The following PKP2 variants were observed in gnomAD, a reference collection of about 807,000 sequenced individuals.
PKP2 encodes plakophilin 2.
In PKP2, 73 loss-of-function variants were observed where a neutral mutation model predicts 83.4. That is an observed-to-expected ratio of 0.88 (90% CI 0.72 to 1.06). The LOEUF is 1.06. Among genes scored for constraint, PKP2 ranks in the 50% least tolerant of loss-of-function variants. The probability of loss-of-function intolerance (pLI) is 0.00; values close to 1 mark genes in which losing one functional copy is unlikely to be tolerated. For missense variants in PKP2, 966 were observed against 1,065.4 expected, an observed-to-expected ratio of 0.91 and a Z score of 1.30; for synonymous variants, 409 against 430.4, an observed-to-expected ratio of 0.95 and a Z score of 0.62.
At chr12:32,795,377 C>CTT (rs562977029) in intron 11 of PKP2, among the ~76,000 whole-genome samples, 6 of 142,962 alleles carry the variant, frequency 4.2e-5, no homozygotes, top group African/African-American at 1.3e-4. Context: ...GCTGCTGCTG[C>CTT]TTTTTTTTTT....
intron 8 of PKP2, 78 bp downstream of exon 8, chr12:32,822,389 A>T: frequency 8.3e-7 from 1 of 1,205,812 alleles, no homozygotes; most frequent in Non-Finnish European, 1.2e-6. Context: ...CCAAGTACTT[A>T]GACATACACA....
At chr12:32,822,697 G>T in intron 7 of PKP2, 66 bp from the exon 8 acceptor site, 1 of 1,543,438 alleles carries the variant, frequency 6.5e-7, no homozygotes. Flanking sequence ...TGATATCACA[G>T]GACACAGGCT....
chr12:32,858,381 G>T (rs1956773365), intron 4 of PKP2, among the ~76,000 whole-genome samples: 1 of 151,596 alleles, frequency 6.6e-6, no homozygotes, highest in South Asian at 2.1e-4. Context: ...GCTATTAAAG[G>T]ATCAATATTC....
rs786204392 is a variant in PKP2 at position 32,868,926 on chromosome 12, C to T, written c.1170+1G>A. 2 of 1,612,592 alleles carry T rather than the reference C, an allele frequency of 1.2e-6. No homozygotes were observed. The highest frequency in any genetic ancestry group is 1.7e-6 in the Non-Finnish European group (2 of 1,179,764). On this transcript the variant is annotated splice_donor_variant, in intron 4 of 12. Coordinates refer to ENST00000340811, the MANE Select transcript of PKP2 (RefSeq NM_001005242.3). LOFTEE classifies it high-confidence loss of function. ...TGCAATGGACTGAAGATGACACTCA[C>T]CCTCTTCCGAGCTTCAGATTTCTGG... is the stretch of plus-strand genomic sequence containing the variant.
chr12:32,878,936 G>A lies in PKP2; in HGVS notation c.320C>T (p.Thr107Ile), dbSNP rs749774181. The change falls in exon 2 of 13, where the codon ACC becomes ATC. Residue 107 changes from threonine to isoleucine, a missense_variant. Transcript: ENST00000340811. The stretch of plus-strand genomic sequence containing the variant: ...ATATCCTACCTTTAGCATGTCATAG[G>A]TTTTAGGAACAGGGGAACGGCCTCC... ...FVGGRSPVPK[T>I]YDMLKAGTTA... is the part of the protein sequence containing the mutation. 6 of 1,577,980 alleles carry A rather than the reference G, an allele frequency of 3.8e-6. No homozygotes were observed. The Admixed American group carries it at 6.7e-5, about 18-fold the overall frequency.
chr12:32,872,213 C>G (rs184842808), intron 3 of PKP2, among the ~76,000 whole-genome samples: 1 of 151,980 alleles, frequency 6.6e-6, no homozygotes, highest in Admixed American at 6.6e-5. Flanking sequence ...GGTCAGAATA[C>G]GAGACATTAC....
intron 6 of PKP2, among the ~76,000 whole-genome samples, chr12:32,832,295 T>C (rs913112722): frequency 6.6e-6 from 1 of 152,084 alleles, no homozygotes; most frequent in Non-Finnish European, 1.5e-5. Context: ...GGAGAATTAC[T>C]TGAACCTGGG....
At chr12:32,860,772 G>A (rs1237497364) in intron 4 of PKP2, among the ~76,000 whole-genome samples, 5 of 152,064 alleles carry the variant, frequency 3.3e-5, no homozygotes, top group Admixed American at 6.6e-5. Flanking sequence ...GTGCATGCCT[G>A]TAGTCCCAGC....
intron 1 of PKP2, among the ~76,000 whole-genome samples, chr12:32,888,217 T>A (rs1957047477): frequency 6.6e-6 from 1 of 152,224 alleles, no homozygotes; most frequent in Non-Finnish European, 1.5e-5. Context: ...TAACTGTGTC[T>A]TTACTTTGGC....
chr12:32,796,765 C>T (rs1565572676), intron 10 of PKP2, among the ~76,000 whole-genome samples: 2 of 152,040 alleles, frequency 1.3e-5, no homozygotes, highest in Non-Finnish European at 2.9e-5. Context: ...TCCCTAATAA[C>T]AAATTTTTAA....
intron 10 of PKP2, 96 bp from the exon 11 acceptor site, chr12:32,796,394 T>C: frequency 2.6e-6 from 3 of 1,140,020 alleles, no homozygotes; most frequent in Non-Finnish European, 3.8e-6. Context: ...ATTCTTTTTC[T>C]TTTTTTGAGA....
chr12:32,888,427 GCCTCTCACGT>G (rs1957049186), intron 1 of PKP2, among the ~76,000 whole-genome samples: 1 of 151,570 alleles, frequency 6.6e-6, no homozygotes, highest in African/African-American at 2.4e-5. Flanking sequence ...TATTTCCCCT[GCCTCTCACGT>G]GCCAGGGTTA....
At chr12:32,835,488 C>A in intron 6 of PKP2, among the ~76,000 whole-genome samples, 1 of 148,406 alleles carries the variant, frequency 6.7e-6, no homozygotes. Flanking sequence ...ATAAAGGAGG[C>A]TGTGAAAAAA....
intron 9 of PKP2, among the ~76,000 whole-genome samples, chr12:32,805,945 A>G (rs932780293): frequency 3.3e-5 from 5 of 152,194 alleles, no homozygotes; most frequent in African/African-American, 1.2e-4. Flanking sequence ...ATTTTATCAA[A>G]GGCCTTTTCT....
chr12:32,858,853 C>T (rs762296709), intron 4 of PKP2, among the ~76,000 whole-genome samples: 1 of 152,162 alleles, frequency 6.6e-6, no homozygotes. Flanking sequence ...CCAAAAGGTG[C>T]TCAACTTCAT....
chr12:32,867,936 T>G (rs1956863111), intron 4 of PKP2, among the ~76,000 whole-genome samples: 1 of 152,166 alleles, frequency 6.6e-6, no homozygotes, highest in Non-Finnish European at 1.5e-5. Flanking sequence ...ATTGATTCCA[T>G]CTCTGAGGAT....
chr12:32,879,153 T>C, intron 1 of PKP2, 121 bp from the exon 2 acceptor site: 1 of 701,674 alleles, frequency 1.4e-6, no homozygotes, highest in East Asian at 2.7e-5. Context: ...AGAACAAGTA[T>C]TAAACGTACG....
At chr12:32,886,812 T>C (rs895957710) in intron 1 of PKP2, among the ~76,000 whole-genome samples, 1 of 151,902 alleles carries the variant, frequency 6.6e-6, no homozygotes, top group Non-Finnish European at 1.5e-5. Flanking sequence ...GGCAATATAG[T>C]GAGATCTCGT....
chr12:32,808,925 C>G (rs1565576795), intron 9 of PKP2, among the ~76,000 whole-genome samples: 1 of 152,168 alleles, frequency 6.6e-6, no homozygotes, highest in Non-Finnish European at 1.5e-5. Flanking sequence ...AGGGTGGGTA[C>G]TGACCTGCTG....
Sources: allele counts gnomAD v4.1 joint callset (sites outside exome capture counted in the v4.1 genomes callset), GRCh38; gene constraint gnomAD v4.1.1; transcripts MANE v1.5; gene names NCBI Gene and HGNC (gene_info 2026-07-23, HGNC 2026-07-21).